SMARCA2: variants seen among roughly 807,000 people sequenced by gnomAD.
SMARCA2 encodes SWI/SNF related BAF chromatin remodeling complex subunit ATPase 2, also known as SWI/SNF-related matrix-associated actin-dependent regulator of chromatin subfamily A member 2.
SMARCA2 carries 61 observed loss-of-function variants against 199.8 expected under a neutral mutation model. That is an observed-to-expected ratio of 0.31 (90% CI 0.25 to 0.38). The LOEUF (loss-of-function observed/expected upper bound fraction) is 0.38. SMARCA2 is among the 10% of genes least tolerant of loss of function. The probability of loss-of-function intolerance (pLI) is 1.00; values close to 1 mark genes in which losing one functional copy is unlikely to be tolerated. For synonymous variants in SMARCA2, 935 were observed against 732.0 expected (o/e 1.28, Z -4.48); for missense variants, 1,344 against 2,012.2 (o/e 0.67, Z 6.35).
chr9:2,117,193 T>C (rs1026923790), intron 25 of SMARCA2, among the ~76,000 whole-genome samples: 2 of 152,092 alleles, frequency 1.3e-5, no homozygotes, highest in African/African-American at 4.8e-5. Context: ...TCTGTATATT[T>C]TTTTTTTCTA....
intron 13 of SMARCA2, among the ~76,000 whole-genome samples, chr9:2,077,229 A>T (rs1157757840): frequency 6.6e-6 from 1 of 152,054 alleles, no homozygotes; most frequent in Non-Finnish European, 1.5e-5. Context: ...TGTTCTGTGA[A>T]TAGGATTTAT....
intron 29 of SMARCA2, among the ~76,000 whole-genome samples, chr9:2,177,243 A>G (rs1014048609): frequency 6.6e-6 from 1 of 152,208 alleles, no homozygotes; most frequent in Non-Finnish European, 1.5e-5. Context: ...CGACTTTGCT[A>G]TGTTTGATTC....
chr9:2,079,045 A>T (rs1382502706), intron 14 of SMARCA2, among the ~76,000 whole-genome samples: 1 of 152,194 alleles, frequency 6.6e-6, no homozygotes, highest in Non-Finnish European at 1.5e-5. Flanking sequence ...ACTATTTCTA[A>T]CTTGAATACT....
chr9:2,035,444 C>G (rs1175273568), intron 3 of SMARCA2, among the ~76,000 whole-genome samples: 1 of 152,168 alleles, frequency 6.6e-6, no homozygotes, highest in African/African-American at 2.4e-5. Context: ...TGCAGTAGCT[C>G]TAATAGTGGA....
chr9:2,160,520 T>C, intron 27 of SMARCA2: 1 of 660,472 alleles, frequency 1.5e-6, no homozygotes, highest in South Asian at 1.7e-5. Flanking sequence ...TGTACATAAG[T>C]GAAAGAAATT....
chr9:2,064,997 A>ACG (rs1820767587), intron 9 of SMARCA2, among the ~76,000 whole-genome samples: 1 of 152,180 alleles, frequency 6.6e-6, no homozygotes, highest in Admixed American at 6.5e-5. Flanking sequence ...ATCCTGGCTA[A>ACG]CATGTTGAAA....
At chr9:2,143,905 C>G (rs1002879398) in intron 27 of SMARCA2, among the ~76,000 whole-genome samples, 2 of 152,166 alleles carry the variant, frequency 1.3e-5, no homozygotes, top group Non-Finnish European at 2.9e-5. Context: ...CCCCCTTTCC[C>G]CTCTGAAGGT....
At chr9:2,182,270 T>C (rs1403080544) in intron 31 of SMARCA2, 28 bp downstream of exon 31, 2 of 1,368,826 alleles carry the variant, frequency 1.5e-6, no homozygotes, top group African/African-American at 2.9e-5. Flanking sequence ...GTCTAAAAGT[T>C]CTTAACTGTA....
At chr9:2,094,081 G>A (rs1173348934) in intron 19 of SMARCA2, among the ~76,000 whole-genome samples, 1 of 152,190 alleles carries the variant, frequency 6.6e-6, no homozygotes, top group African/African-American at 2.4e-5. Flanking sequence ...TCAAGGTAGA[G>A]TAGAGTTAGA....
chr9:2,141,003 A>G (rs1347984850), intron 27 of SMARCA2, among the ~76,000 whole-genome samples: 1 of 151,818 alleles, frequency 6.6e-6, no homozygotes. Context: ...GGCCTTTGGT[A>G]TTTCACAGGC....
chr9:2,046,526 T>G (rs1470011362), intron 4 of SMARCA2, among the ~76,000 whole-genome samples: 1 of 152,206 alleles, frequency 6.6e-6, no homozygotes, highest in Non-Finnish European at 1.5e-5. Context: ...TTCCCAGACT[T>G]CACTGATTAA....
Position 2,119,905 on chromosome 9 carries a change from C to CTGTT in SMARCA2, c.3762+371_3762+374dup, listed in dbSNP as rs1296853529. On this transcript the variant is annotated intron_variant, in intron 26 of 33. Transcript: ENST00000349721. This position sits in a 1 kb window ranked among gnomAD's most constrained non-coding sequence, Gnocchi z 4.6. ...TCTACAGCTTACCATAGACGCCCTC[C>CTGTT]TGTTCCCAGTTCGTTTCTAATCCCA... Among the ~76,000 whole-genome samples, 2 of 152,198 alleles carry CTGTT rather than the reference C, an allele frequency of 1.3e-5. No homozygotes were observed. The highest frequency in any genetic ancestry group is 2.9e-5 in the Non-Finnish European group (2 of 68,040).
At chr9:2,112,564 C>T (rs1417596011) in intron 24 of SMARCA2, among the ~76,000 whole-genome samples, 2 of 151,804 alleles carry the variant, frequency 1.3e-5, no homozygotes, top group Middle Eastern at 3.2e-3. Context: ...ATGAAATAGT[C>T]CCCTCTTAAC....
Position 2,192,972 on chromosome 9 carries a change from A to G in SMARCA2, c.*233A>G. 2.1e-6 allele frequency: 1 copy of G among 487,586 alleles called. No homozygotes were observed. The highest frequency in any genetic ancestry group is 5.3e-4 in the Middle Eastern group (1 of 1,876). 30.2% of individuals were successfully genotyped at this position (487,586 alleles called of 1,614,324 possible). A position where few individuals can be genotyped will look rare whatever the true frequency, so the allele number is the denominator to read the frequency against. On this transcript the variant is annotated 3_prime_UTR_variant, in exon 34 of 34. Transcript: ENST00000349721. Reference sequence around the variant, plus strand: ...AAATGGGCCTCAAAGATTCAGATTGAAACAAACAAAAAGCTTTTGATGGAA... The same window carrying G: ...AAATGGGCCTCAAAGATTCAGATTGGAACAAACAAAAAGCTTTTGATGGAA...
At chr9:2,145,328 A>AAG (rs1563800521) in intron 27 of SMARCA2, among the ~76,000 whole-genome samples, 11 of 151,410 alleles carry the variant, frequency 7.3e-5, no homozygotes, top group South Asian at 4.2e-4. Context: ...AAAAAAAAAA[A>AAG]AGAGAGAGAA....
In SMARCA2 at chr9:2,115,339, G is replaced by T. The variant is rs969888594; in HGVS notation, c.3457-483G>T. Among the ~76,000 whole-genome samples, 1 of 152,178 alleles carries T rather than the reference G, an allele frequency of 6.6e-6. No homozygotes were observed. The highest frequency in any genetic ancestry group is 6.5e-5 in the Admixed American group (1 of 15,284). ...GACTACCTGAGCAGTCAGTGTGTGT[G>T]TATGTGTGTGTGTGGTAAGATGTAT... On this transcript the variant is annotated intron_variant, in intron 24 of 33. Coordinates refer to ENST00000349721, the MANE Select transcript of SMARCA2 (RefSeq NM_003070.5). The surrounding 1 kb of genome is among the most constrained non-coding windows in gnomAD (Gnocchi z 6.0).
At chr9:2,103,346 G>A (rs187145101) in intron 22 of SMARCA2, among the ~76,000 whole-genome samples, 4 of 152,134 alleles carry the variant, frequency 2.6e-5, no homozygotes, top group Admixed American at 1.3e-4. Flanking sequence ...GACAGCAGAC[G>A]GGGCCAAAGG....
intron 5 of SMARCA2, among the ~76,000 whole-genome samples, chr9:2,051,318 G>T (rs1820107959): frequency 6.6e-6 from 1 of 152,048 alleles, no homozygotes; most frequent in African/African-American, 2.4e-5. Flanking sequence ...ATTCTTTTGT[G>T]CCAGGGAATC....
At chr9:2,047,180 C>T in intron 4 of SMARCA2, 49 bp from the exon 5 acceptor site, 19 of 1,014,778 alleles carry the variant, frequency 1.9e-5, no homozygotes, top group Non-Finnish European at 1.9e-5. Context: ...GGGTGTGGCC[C>T]GCGGGGCGCC....
Sources: allele counts gnomAD v4.1 joint callset (sites outside exome capture counted in the v4.1 genomes callset), GRCh38; gene constraint gnomAD v4.1.1; non-coding constraint Gnocchi (gnomAD v3.1); transcripts MANE v1.5; gene names NCBI Gene and HGNC (gene_info 2026-07-23, HGNC 2026-07-21).